CCDC187: variants seen among roughly 807,000 people sequenced by gnomAD.
CCDC187 encodes coiled-coil domain-containing protein 187.
In CCDC187, 32 loss-of-function variants were observed where a neutral mutation model predicts 38.0. The ratio of observed to expected loss-of-function variants is 0.84; its 90% CI spans 0.64 to 1.13. The LOEUF (loss-of-function observed/expected upper bound fraction) is 1.13. Ranked by LOEUF, CCDC187 falls within the 50% of genes most tolerant of loss-of-function variation. CCDC187 has a pLI of 0.00. For synonymous variants in CCDC187, 333 were observed against 347.9 expected, an observed-to-expected ratio of 0.96 and a Z score of 0.48; for missense variants, 707 against 786.8, an observed-to-expected ratio of 0.90 and a Z score of 1.21.
chr9:136,304,848 C>A (rs1409223983), upstream of CCDC187, among the ~76,000 whole-genome samples: 2 of 152,226 alleles, frequency 1.3e-5, no homozygotes, highest in African/African-American at 2.4e-5. Context: ...TAAGTTGACC[C>A]TTCCCAAGTG....
rs975854488 is a variant in CCDC187, at chr9:136,282,243, C to T, written c.2928-580G>A. 1.1e-3 allele frequency among the ~76,000 whole-genome samples: 168 copies of T among 152,308 alleles called. 1 individual carries two copies. Among genetic ancestry groups the T allele is most frequent in the African/African-American group, 1.4e-3 (57 of 41,566 alleles). ...CAGGGCAACCTATCTGGGGAGCACC[C>T]GGGCTGTGACCATGGAGGCAGGTAC... On this transcript the variant is annotated intron_variant, in intron 9 of 25. Transcript: ENST00000638797.
intron 12 of CCDC187, among the ~76,000 whole-genome samples, 163 bp from the exon 13 acceptor site, chr9:136,275,170 G>A (rs1259867186): frequency 1.3e-5 from 2 of 152,176 alleles, no homozygotes; most frequent in African/African-American, 2.4e-5. Flanking sequence ...AAGTGGGGCC[G>A]ACAGCCCCCT....
chr9:136,271,868 C>A (rs62579933), intron 14 of CCDC187, among the ~76,000 whole-genome samples: 16,719 of 152,090 alleles, frequency 0.11, 1,231 homozygotes, highest in Admixed American at 0.2. Flanking sequence ...GGGCCTCCCA[C>A]AGTGCTGGGA....
chr9:136,299,118 C>T (rs957169358), intron 3 of CCDC187, among the ~76,000 whole-genome samples: 10 of 152,128 alleles, frequency 6.6e-5, no homozygotes, highest in East Asian at 3.9e-4. Context: ...CCCTGGAAGG[C>T]GGAGGAGGGA....
rs1462051133 is a variant in CCDC187 at position 136,290,619 on chromosome 9, C to G, written c.1994G>C (p.Arg665Pro). The change falls in exon 6 of 26, where the codon CGG becomes CCG. Residue 665 changes from arginine to proline, a missense_variant. Arg to Pro is a moderately radical substitution (Grantham distance 103). Transcript: ENST00000638797. ...CTGCAGCCTCCGGCTCCTCAGCTCC[C>G]GTGTGCGCAGGGCCGAGGCCTTCTC... is the stretch of plus-strand genomic sequence containing the variant. Reference protein sequence around the residue: ...LEEKASALRTRELRSRRLQEV... With the variant: ...LEEKASALRTPELRSRRLQEV... 1.5e-5 allele frequency: 6 copies of G among 398,536 alleles called. No homozygotes were observed. The allele number at this position is 398,536 out of a possible 1,614,324, so 24.7% of individuals were successfully genotyped here. A position where few individuals can be genotyped will look rare whatever the true frequency, so the allele number is the denominator to read the frequency against.
chr9:136,287,025 C>T (rs1355877470), intron 7 of CCDC187, among the ~76,000 whole-genome samples: 3 of 152,210 alleles, frequency 2.0e-5, no homozygotes, highest in Non-Finnish European at 4.4e-5. Context: ...GGCCACGCAC[C>T]CAGAAGAGCT....
At chr9:136,281,440 T>C in intron 10 of CCDC187, 111 bp downstream of exon 10, 1 of 397,806 alleles carries the variant, frequency 2.5e-6, no homozygotes, top group South Asian at 1.3e-4. Context: ...GAAAAGGATT[T>C]CTCTACCCCG....
chr9:136,303,088 G>A lies in CCDC187; in HGVS notation c.349C>T (p.Arg117Cys), dbSNP rs957515770. ...RDGDSSVSSG[R>C]LSCSSGGHDV... ...TGGCCCCCCGAAGAGCACGAGAGGC[G>A]GCCCGATGACACCGAGCTGTCCCCA... The change falls in exon 2 of 26, where the codon CGC becomes TGC. Residue 117 changes from arginine (R) to cysteine (C), a missense_variant. Physicochemically the swap from Arg to Cys is radical, Grantham distance 180. Coordinates refer to ENST00000638797, the MANE Select transcript of CCDC187 (RefSeq NM_001378188.1). 5 of 398,584 alleles carry A rather than the reference G, an allele frequency of 1.3e-5. No individual in the cohort carries two copies. The highest frequency in any genetic ancestry group is 4.4e-6 in the Non-Finnish European group (1 of 226,032). 24.7% of individuals were successfully genotyped at this position (398,584 alleles called of 1,614,324 possible). A position where few individuals can be genotyped will look rare whatever the true frequency, so the allele number is the denominator to read the frequency against.
intron 6 of CCDC187, 122 bp from the exon 7 acceptor site, chr9:136,290,175 T>C: frequency 2.5e-6 from 1 of 397,698 alleles, no homozygotes; most frequent in Non-Finnish European, 4.4e-6. Flanking sequence ...CCCAGAGTCT[T>C]GCAGGAATCG....
chr9:136,267,763 A>G (rs1170266955), intron 15 of CCDC187: 4 of 904,846 alleles, frequency 4.4e-6, no homozygotes, highest in Non-Finnish European at 5.3e-6. Flanking sequence ...GCCCTGATCC[A>G]GGAAGCCCAG....
chr9:136,275,071 G>A (rs1830906589), intron 12 of CCDC187, 64 bp from the exon 13 acceptor site: 1 of 152,374 alleles, frequency 6.6e-6, no homozygotes, highest in Admixed American at 6.5e-5. Context: ...GTGGGCATTG[G>A]GTCGGGGCGG....
At chr9:136,275,197 G>A (rs1039810073) in intron 12 of CCDC187, among the ~76,000 whole-genome samples, 190 bp from the exon 13 acceptor site, 2 of 152,202 alleles carry the variant, frequency 1.3e-5, no homozygotes, top group South Asian at 4.2e-4. Context: ...TCCCAGAGAG[G>A]CCACTGCAAG....
upstream of CCDC187, among the ~76,000 whole-genome samples, chr9:136,305,504 C>T (rs917399182): frequency 3.9e-5 from 6 of 152,194 alleles, no homozygotes; most frequent in Admixed American, 2.0e-4. Context: ...CCCCTGCTGA[C>T]GGGTTGCCAC....
At chr9:136,293,438 C>CACACACACAA (rs1831420434) in intron 4 of CCDC187, among the ~76,000 whole-genome samples, 1 of 30,132 alleles carries the variant, frequency 3.3e-5, no homozygotes, top group South Asian at 8.3e-4. Context: ...CACATGCTCA[C>CACACACACAA]ACACTCACAC....
chr9:136,256,059 G>A (rs1194917981), intron 24 of CCDC187, among the ~76,000 whole-genome samples, 152 bp downstream of exon 24: 1 of 152,184 alleles, frequency 6.6e-6, no homozygotes, highest in Non-Finnish European at 1.5e-5. Context: ...TCAGACCCAG[G>A]AGGGCTCAGG....
chr9:136,253,643 A>T lies in CCDC187; in HGVS notation c.6185T>A (p.Leu2062Gln), dbSNP rs377013743. ...QDLSSLSEES[L>Q]PEGLFPGPQG... ...GGGCCCAGGAAACAGTCCCTCCGGC[A>T]GACTCTCCTCAGACAAGGAGGACAA... The change falls in exon 26 of 26, where the codon CTG becomes CAG. Residue 2062 changes from leucine to glutamine, a missense_variant. Transcript: ENST00000638797. 3.0e-6 allele frequency: 3 copies of T among 985,422 alleles called. No individual in the cohort carries two copies. Among genetic ancestry groups the T allele is most frequent in the South Asian group, 9.4e-5 (2 of 21,288 alleles). 61.0% of individuals were successfully genotyped at this position (985,422 alleles called of 1,614,324 possible).
rs1478188107 is a variant in CCDC187 at position 136,291,664 on chromosome 9, C to T, written c.968-19G>A. ...CTGTCTCCTGCAAAGACAGGAGTGT[C>T]AGGGGTGAGGAGGGGAGCGGAGGGG... is the stretch of plus-strand genomic sequence containing the variant. On this transcript the variant is annotated intron_variant, in intron 5 of 25. Coordinates refer to ENST00000638797, the MANE Select transcript of CCDC187 (RefSeq NM_001378188.1). 4 of 398,626 alleles carry T rather than the reference C, an allele frequency of 1.0e-5. No individual in the cohort carries two copies. Among genetic ancestry groups the T allele is most frequent in the Admixed American group, 4.4e-5 (1 of 22,724 alleles). The allele number at this position is 398,626 out of a possible 1,614,324, so 24.7% of individuals were successfully genotyped here.
chr9:136,258,595 A>G lies in CCDC187; in HGVS notation c.4366+337T>C. On this transcript the variant is annotated intron_variant, in intron 22 of 25. Coordinates refer to ENST00000638797, the MANE Select transcript of CCDC187 (RefSeq NM_001378188.1). The surrounding 1 kb of genome is among the most constrained non-coding windows in gnomAD (Gnocchi z 4.3). ...AGAAAGAGAAAAATGTAATCGGTGCAGAAACCTCCGTCAGCTGAAGACGCT... is the reference window on the plus strand; with the variant it reads ...AGAAAGAGAAAAATGTAATCGGTGCGGAAACCTCCGTCAGCTGAAGACGCT... The G allele has an allele frequency of 1.4e-6, 1 of 701,908 alleles. No individual in the cohort carries two copies. The highest frequency in any genetic ancestry group is 1.8e-6 in the Non-Finnish European group (1 of 571,118). 43.5% of individuals were successfully genotyped at this position (701,908 alleles called of 1,614,324 possible).
chr9:136,275,459 C>G (rs1468388418), intron 12 of CCDC187, among the ~76,000 whole-genome samples: 2 of 151,956 alleles, frequency 1.3e-5, no homozygotes, highest in Non-Finnish European at 2.9e-5. Flanking sequence ...CACACACGTG[C>G]ACACACACCC....
Sources: gnomAD v4.1 joint callset for allele counts (sites outside exome capture counted in the v4.1 genomes callset) on GRCh38, gnomAD v4.1.1 for gene constraint, Gnocchi (gnomAD v3.1) non-coding constraint, MANE v1.5 for transcripts, NCBI Gene and HGNC (gene_info 2026-07-23, HGNC 2026-07-21) for gene names.